VPS13B: variants seen among roughly 807,000 people sequenced by gnomAD.
The protein encoded by VPS13B is intermembrane lipid transfer protein VPS13B.
A neutral mutation model predicts 426.4 loss-of-function variants in VPS13B; 285 were observed. That is an observed-to-expected ratio of 0.67 (90% CI 0.61 to 0.74). VPS13B has a LOEUF of 0.74. Ranked by LOEUF, VPS13B falls within the 30% of genes least tolerant of loss-of-function variation. The probability of loss-of-function intolerance (pLI) is 0.00; values close to 1 mark genes in which losing one functional copy is unlikely to be tolerated. For synonymous variants in VPS13B, 1,676 were observed against 1,676.4 expected (o/e 1.00, Z 0.01); for missense variants, 4,537 against 4,782.6 (o/e 0.95, Z 1.51).
At chr8:99,369,976 CT>C (rs1182001297) in intron 19 of VPS13B, among the ~76,000 whole-genome samples, 12 of 152,084 alleles carry the variant, frequency 7.9e-5, no homozygotes, top group Non-Finnish European at 1.5e-5. Context: ...CACAGTGTGT[CT>C]TTTATTGAGT....
intron 19 of VPS13B, among the ~76,000 whole-genome samples, chr8:99,317,686 G>T (rs1481590849): frequency 1.3e-5 from 2 of 151,768 alleles, no homozygotes; most frequent in Non-Finnish European, 2.9e-5. Context: ...ATTTACCTTG[G>T]TGTAATAAAA....
At chr8:99,085,728 T>A (rs910771438) in intron 3 of VPS13B, among the ~76,000 whole-genome samples, 4 of 152,226 alleles carry the variant, frequency 2.6e-5, no homozygotes, top group African/African-American at 9.6e-5. Flanking sequence ...TGGCTGGATA[T>A]GAAATTCTGG....
At chr8:99,123,286 T>C (rs972205408) in intron 8 of VPS13B, among the ~76,000 whole-genome samples, 1 of 152,138 alleles carries the variant, frequency 6.6e-6, no homozygotes, top group Admixed American at 6.5e-5. Flanking sequence ...AGAGGAAGCC[T>C]TATTGATATT....
At chr8:99,166,873 C>T (rs1026729021) in intron 15 of VPS13B, among the ~76,000 whole-genome samples, 4 of 151,970 alleles carry the variant, frequency 2.6e-5, no homozygotes, top group Non-Finnish European at 4.4e-5. Context: ...CATATAGACC[C>T]GTAGAAAAGA....
At chr8:99,358,534 A>C (rs1244469503) in intron 19 of VPS13B, among the ~76,000 whole-genome samples, 1 of 152,224 alleles carries the variant, frequency 6.6e-6, no homozygotes, top group Non-Finnish European at 1.5e-5. Context: ...AACACAAACC[A>C]AATATTTATT....
At chr8:99,571,605 T>C (rs1458558823) in intron 31 of VPS13B, among the ~76,000 whole-genome samples, 1 of 152,162 alleles carries the variant, frequency 6.6e-6, no homozygotes, top group African/African-American at 2.4e-5. Context: ...TGGTTGTTAG[T>C]GTTTGCTCTT....
At chr8:99,256,259 A>G (rs1445964653) in intron 17 of VPS13B, among the ~76,000 whole-genome samples, 2 of 152,070 alleles carry the variant, frequency 1.3e-5, no homozygotes, top group Admixed American at 1.3e-4. Context: ...GCTGACTAAT[A>G]TTCTATTGTA....
At chr8:99,234,483 C>T (rs755743853) in intron 17 of VPS13B, 243 of 539,380 alleles carry the variant, frequency 4.5e-4, no homozygotes, top group South Asian at 1.4e-3. Flanking sequence ...CGCCCCGCCC[C>T]GACTCTACAC....
chr8:99,340,474 A>C lies in VPS13B; in HGVS notation c.2825-43734A>C, dbSNP rs770456488. On this transcript the variant is annotated intron_variant, in intron 19 of 61. Coordinates refer to ENST00000357162, the MANE Select transcript of VPS13B (RefSeq NM_152564.5). ...CTTCTCAGACTAGGACATGTTTCCA[A>C]GGATTTCTGGAAGTTTTACCAAAAG... 12 of 490,454 alleles carry C rather than the reference A, an allele frequency of 2.4e-5. No individual in the cohort carries two copies. In the Admixed American group the frequency reaches 2.6e-4, roughly 10 times the overall value. The allele number at this position is 490,454 out of a possible 1,614,324, so 30.4% of individuals were successfully genotyped here.
chr8:99,709,718 G>A (rs16897584), intron 36 of VPS13B, among the ~76,000 whole-genome samples: 3,045 of 152,250 alleles, frequency 0.02, 107 homozygotes, highest in African/African-American at 0.07. Context: ...CATACCGTAC[G>A]ATTGGTCAAA....
At chr8:99,819,359 A>T (rs996806966) in intron 47 of VPS13B, 53 bp from the exon 48 acceptor site, 2 of 1,591,212 alleles carry the variant, frequency 1.3e-6, no homozygotes, top group South Asian at 2.2e-5. Context: ...AATAAATTAT[A>T]TACCACTTTA....
chr8:99,699,521 A>G lies in VPS13B; in HGVS notation c.6047-4A>G, dbSNP rs764928258. The stretch of plus-strand genomic sequence containing the variant: ...TAATTGTTTTCTCTTTTTTACTTCT[A>G]TAGCGGATGTCAATTTGGATATATC... On this transcript the variant is annotated splice_region_variant and splice_polypyrimidine_tract_variant and intron_variant, in intron 35 of 61. Coordinates refer to ENST00000357162, the MANE Select transcript of VPS13B (RefSeq NM_152564.5). 11 of 1,613,072 alleles carry G rather than the reference A, an allele frequency of 6.8e-6. No homozygotes were observed. The East Asian group carries it at 1.6e-4, about 23-fold the overall frequency.
chr8:99,487,586 C>A (rs1274030404), intron 25 of VPS13B, among the ~76,000 whole-genome samples: 1 of 152,136 alleles, frequency 6.6e-6, no homozygotes, highest in Non-Finnish European at 1.5e-5. Flanking sequence ...TCTCTATCCC[C>A]ATCGAACAAC....
chr8:99,122,772 C>G (rs754652811), intron 8 of VPS13B, among the ~76,000 whole-genome samples: 2 of 151,932 alleles, frequency 1.3e-5, no homozygotes, highest in Non-Finnish European at 2.9e-5. Context: ...ATATTATAAA[C>G]AAATAACATA....
chr8:99,376,457 G>C (rs1813492782), intron 19 of VPS13B, among the ~76,000 whole-genome samples: 1 of 152,156 alleles, frequency 6.6e-6, no homozygotes, highest in African/African-American at 2.4e-5. Flanking sequence ...TGTAAGTCAT[G>C]AGGTCGTTTT....
intron 19 of VPS13B, among the ~76,000 whole-genome samples, chr8:99,288,131 A>G (rs1819544396): frequency 6.6e-6 from 1 of 152,080 alleles, no homozygotes; most frequent in African/African-American, 2.4e-5. Flanking sequence ...TCAAAGGAAA[A>G]TGTTCATATT....
At chr8:99,734,011 C>G (rs757141134) in intron 39 of VPS13B, among the ~76,000 whole-genome samples, 1 of 152,182 alleles carries the variant, frequency 6.6e-6, no homozygotes, top group East Asian at 1.9e-4. Context: ...GACTCTTTAG[C>G]TTTCACCTTC....
intron 3 of VPS13B, among the ~76,000 whole-genome samples, chr8:99,041,639 G>A (rs2132231408): frequency 6.6e-6 from 1 of 152,236 alleles, no homozygotes; most frequent in Admixed American, 6.5e-5. Flanking sequence ...GGATCACGAG[G>A]TCAGGAGATA....
chr8:99,818,842 C>T lies in VPS13B; in HGVS notation c.8575C>T (p.Gln2859Ter), dbSNP rs371609624. 8 of 1,613,472 alleles carry T rather than the reference C, an allele frequency of 5.0e-6. No individual in the cohort carries two copies. The highest frequency in any genetic ancestry group is 6.8e-6 in the Non-Finnish European group (8 of 1,179,894). The change falls in exon 47 of 62, where the codon CAA becomes TAA. Residue 2859 changes from glutamine to a stop codon, truncating the protein, a stop_gained. Transcript: ENST00000357162. LOFTEE classifies it high-confidence loss of function. ...IPGKGQEKPLQNIEPDLVHHL... is the reference protein window; with the variant it reads ...IPGKGQEKPL ...AGGAAAAGGGCAGGAAAAACCACTGCAAAACATAGAACCTGACCTTGTACA... is the reference window on the plus strand; with the variant it reads ...AGGAAAAGGGCAGGAAAAACCACTGTAAAACATAGAACCTGACCTTGTACA...
Sources: gnomAD v4.1 joint callset for allele counts (sites outside exome capture counted in the v4.1 genomes callset) on GRCh38, gnomAD v4.1.1 for gene constraint, MANE v1.5 for transcripts, NCBI Gene and HGNC (gene_info 2026-07-23, HGNC 2026-07-21) for gene names.